Variants in KMT2D observed in about 807,000 individuals in gnomAD.
KMT2D encodes the protein lysine methyltransferase 2D.
A neutral mutation model predicts 512.7 loss-of-function variants in KMT2D; 55 were observed. The observed-to-expected ratio is 0.11, with a 90% CI of 0.09 to 0.13. The LOEUF (loss-of-function observed/expected upper bound fraction) is 0.13, where lower values mean the gene tolerates loss of function less well. Ranked by LOEUF, KMT2D falls within the 10% of genes least tolerant of loss-of-function variation. KMT2D has a pLI of 1.00. For synonymous variants in KMT2D, 2,995 were observed against 2,904.0 expected (o/e 1.03, Z -1.01); for missense variants, 6,061 against 7,127.9 (o/e 0.85, Z 5.39).
rs1191062212 is a variant in KMT2D at position 49,042,047 on chromosome 12, C to G, written c.6109+42G>C. ...CTTGGCAGGCGACTCCTCCACCTGC[C>G]ATGTTGCCAGGCTGTCTCCCTTGCC... is the stretch of plus-strand genomic sequence containing the variant. On this transcript the variant is annotated intron_variant, in intron 29 of 54. Transcript: ENST00000301067. This position sits in a 1 kb window ranked among gnomAD's most constrained non-coding sequence, Gnocchi z 4.4. The G allele has an allele frequency of 6.2e-7, 1 of 1,612,240 alleles. No individual in the cohort carries two copies. Among genetic ancestry groups the G allele is most frequent in the Admixed American group, 1.7e-5 (1 of 59,948 alleles).
Position 49,038,311 on chromosome 12 carries a change from A to G in KMT2D, c.9045T>C (p.Gly3015=). ...CATCATCACCCTTGGCCACATCCAC[A>G]CCCAGACCCAGGTGAGCAAGCTCTT... ...DDEELAHLGL[G]VDVAKGDDEL... is the part of the protein sequence containing the mutation. Residue 3015 remains glycine, a synonymous_variant, in exon 35 of 55, where the codon GGT becomes GGC. Coordinates refer to ENST00000301067, the MANE Select transcript of KMT2D (RefSeq NM_003482.4). The surrounding 1 kb of genome is among the most constrained non-coding windows in gnomAD (Gnocchi z 5.7). The G allele has an allele frequency of 6.2e-7, 1 of 1,613,730 alleles. No individual in the cohort carries two copies. The highest frequency in any genetic ancestry group is 8.5e-7 in the Non-Finnish European group (1 of 1,179,840).
At position 49,037,855 on chromosome 12, in the gene KMT2D, C is replaced by T. The variant is rs1943298668; in HGVS notation, c.9501G>A (p.Arg3167=). Residue 3167 remains arginine, a synonymous_variant, in exon 35 of 55, where the codon CGG becomes CGA. Transcript: ENST00000301067. ...GQSMMGSRDT[R]MGTGPFSSSG... is the part of the protein sequence containing the mutation. ...TGCTAGAAAATGGCCCTGTGCCCATCCGGGTATCCCGGCTGCCCATCATGC... is the reference window on the plus strand; with the variant it reads ...TGCTAGAAAATGGCCCTGTGCCCATTCGGGTATCCCGGCTGCCCATCATGC... 7.5e-6 allele frequency: 12 copies of T among 1,595,730 alleles called. No homozygotes were observed. The highest frequency in any genetic ancestry group is 1.3e-5 in the African/African-American group (1 of 74,618).
At position 49,044,265 on chromosome 12, in the gene KMT2D, G is replaced by A. The variant is rs1943681299; in HGVS notation, c.5123C>T (p.Thr1708Ile). 6.2e-7 allele frequency: 1 copy of A among 1,613,352 alleles called. No individual in the cohort carries two copies. Among genetic ancestry groups the A allele is most frequent in the Non-Finnish European group, 8.5e-7 (1 of 1,179,890 alleles). Residue 1708 changes from threonine to isoleucine, a missense_variant, in exon 22 of 55, where the codon ACA becomes ATA. Physicochemically the swap from Thr to Ile is moderately conservative, Grantham distance 89. Coordinates refer to ENST00000301067, the MANE Select transcript of KMT2D (RefSeq NM_003482.4). This position sits in a 1 kb window ranked among gnomAD's most constrained non-coding sequence, Gnocchi z 6.4. ...GFMVRQRKSH[T>I]RTKKGPAAQA... ...TGCAGCAGGCCCCTTTTTCGTGCGT[G>A]TGTGGGATTTCCGCTGTCGCACCAT...
intron 14 of KMT2D, 28 bp downstream of exon 14, chr12:49,048,631 C>T (rs1357932390): frequency 7.1e-7 from 1 of 1,413,786 alleles, no homozygotes; most frequent in Non-Finnish European, 1.0e-6. Flanking sequence ...ACACAATGTT[C>T]AGTGTGCCAG....
Position 49,019,796 on chromosome 12 carries a change from T to TAA in KMT2D, c.*1983_*1984insTT. The TAA allele has an allele frequency of 4.3e-6, 1 of 231,430 alleles. No individual in the cohort carries two copies. The highest frequency in any genetic ancestry group is 6.1e-5 in the East Asian group (1 of 16,410). The allele number at this position is 231,430 out of a possible 1,614,324, so 14.3% of individuals were successfully genotyped here. ...GCTTGAAACAGTTGAGGAAGCAGCT[T>TAA]TAAAAAAAAAAAATCTCCCTACCCC... On this transcript the variant is annotated 3_prime_UTR_variant, in exon 55 of 55. Transcript: ENST00000301067.
At chr12:49,036,807 C>CT (rs796643384) in intron 35 of KMT2D, among the ~76,000 whole-genome samples, 4 of 151,984 alleles carry the variant, frequency 2.6e-5, no homozygotes, top group African/African-American at 9.6e-5. Context: ...GCCTCAACTG[C>CT]TTTTTTTTGC....
chr12:49,055,145 G>A, intron 2 of KMT2D, 119 bp from the exon 3 acceptor site: 1 of 1,549,028 alleles, frequency 6.5e-7, no homozygotes, highest in Non-Finnish European at 8.9e-7. Context: ...TATTTCAACT[G>A]TTGTCCCAAA....
Position 49,031,646 on chromosome 12 carries a change from C to A in KMT2D, c.13059G>T (p.Pro4353=). ...CAGCAGGTGAGACCCTCCCAGGAGG[C>A]GGCTCCAAGGTTGGCCCCTGAGGTT... ...TPKPQGPTLE[P]PPGRVSPAAA... The change falls in exon 40 of 55, where the codon CCG becomes CCT. Residue 4353 remains proline (P), a synonymous_variant. Coordinates refer to ENST00000301067, the MANE Select transcript of KMT2D (RefSeq NM_003482.4). 1 of 1,605,468 alleles carries A rather than the reference C, an allele frequency of 6.2e-7. No individual in the cohort carries two copies. Among genetic ancestry groups the A allele is most frequent in the Non-Finnish European group, 8.5e-7 (1 of 1,176,154 alleles).
rs199711684 is a variant in KMT2D at position 49,044,697 on chromosome 12, G to A, written c.4963+47C>T. 1.7e-4 allele frequency: 265 copies of A among 1,584,312 alleles called. 3 individuals are homozygous for A. The East Asian group carries it at 5.9e-3, about 36-fold the overall frequency. On this transcript the variant is annotated intron_variant, in intron 20 of 54. Coordinates refer to ENST00000301067, the MANE Select transcript of KMT2D (RefSeq NM_003482.4). This position sits in a 1 kb window ranked among gnomAD's most constrained non-coding sequence, Gnocchi z 6.4. ...CCCCACCCAACATCCCACTCCCAGA[G>A]TCACGCTCCCCCTACTCTGCCGCTC...
chr12:49,018,992 T>C lies in KMT2D; in HGVS notation c.*2788A>G. ...GGAGCCGCTTGTATTTAAAATGTTC[T>C]TTTTTTATTTGTCGTTTAAAAACAA... On this transcript the variant is annotated 3_prime_UTR_variant, in exon 55 of 55. Coordinates refer to ENST00000301067, the MANE Select transcript of KMT2D (RefSeq NM_003482.4). 7.1e-7 allele frequency: 1 copy of C among 1,402,924 alleles called. No individual in the cohort carries two copies. The allele number at this position is 1,402,924 out of a possible 1,614,324, so 86.9% of individuals were successfully genotyped here.
intron 1 of KMT2D, among the ~76,000 whole-genome samples, chr12:49,058,773 GGGACTCATGGGCAGCCAGCTCTC>G: frequency 6.6e-6 from 1 of 152,324 alleles, no homozygotes; most frequent in East Asian, 1.9e-4. Context: ...GGACTGGCCA[GGGACTCATGGGCAGCCAGCTCTC>G]CATACCAGGC....
chr12:49,050,630 T>C lies in KMT2D; in HGVS notation c.2958A>G (p.Pro986=), dbSNP rs776395066. The change falls in exon 12 of 55, where the codon CCA becomes CCG. Residue 986 remains proline (P), a synonymous_variant. Transcript: ENST00000301067. ...PILETPISPP[P]EANCTDPEPV... ...GCTCAGGGTCAGTGCAGTTAGCTTC[T>C]GGTGGAGGGCTGATGGGTGTCTCCA... 6 of 1,612,064 alleles carry C rather than the reference T, an allele frequency of 3.7e-6. No homozygotes were observed. The highest frequency in any genetic ancestry group is 3.4e-6 in the Non-Finnish European group (4 of 1,178,916).
chr12:49,029,083 G>A lies in KMT2D; in HGVS notation c.14229C>T (p.Leu4743=), dbSNP rs899941032. Residue 4743 remains leucine (L), a synonymous_variant, in exon 45 of 55, where the codon CTC becomes CTT. Transcript: ENST00000301067. The part of the protein sequence containing the change: ...EDRALSPVIP[L]IPRASIPVFP... ...TACCTGGGATGCTGGCCCGAGGAAT[G>A]AGGGGGATGACAGGGGAGAGGGCCC... is the stretch of plus-strand genomic sequence containing the variant. The A allele has an allele frequency of 3.7e-6, 6 of 1,605,376 alleles. No individual in the cohort carries two copies. The African/African-American group carries it at 8.0e-5, about 21-fold the overall frequency.
In KMT2D at chr12:49,032,227, G is replaced by A; in HGVS notation, c.12478C>T (p.Leu4160=). Residue 4160 remains leucine, a synonymous_variant, in exon 40 of 55, where the codon CTA becomes TTA. Coordinates refer to ENST00000301067, the MANE Select transcript of KMT2D (RefSeq NM_003482.4). ...QNLLGPQQPM[L]ERPMQNNTGP... ...GTATTATTTTGCATGGGCCGCTCTA[G>A]CATGGGCTGTTGGGGGCCCAGAAGG... The A allele has an allele frequency of 6.2e-7, 1 of 1,613,778 alleles. No individual in the cohort carries two copies. The highest frequency in any genetic ancestry group is 8.5e-7 in the Non-Finnish European group (1 of 1,179,760).
chr12:49,032,586 C>T lies in KMT2D; in HGVS notation c.12119G>A (p.Gly4040Glu). The T allele has an allele frequency of 6.2e-7, 1 of 1,613,824 alleles. No homozygotes were observed. The highest frequency in any genetic ancestry group is 8.5e-7 in the Non-Finnish European group (1 of 1,179,814). ...CGGCCCTCCCTGATGTGTAGAGGGCCCCTCAGTGGCCTCTGAAGAAACGGC... is the reference window on the plus strand; with the variant it reads ...CGGCCCTCCCTGATGTGTAGAGGGCTCCTCAGTGGCCTCTGAAGAAACGGC... ...DPAVSSEATE[G>E]PSTHQGGPLA... The change falls in exon 40 of 55, where the codon GGG becomes GAG. Residue 4040 changes from glycine to glutamate, a missense_variant. This residue lies in a region of KMT2D where 1,600 missense variants were observed against 1,754.9 expected (regional missense o/e 0.91). Coordinates refer to ENST00000301067, the MANE Select transcript of KMT2D (RefSeq NM_003482.4).
rs1943021914 is a variant in KMT2D, at chr12:49,032,972, T to C, written c.11733A>G (p.Gln3911=). 1 of 1,549,968 alleles carries C rather than the reference T, an allele frequency of 6.5e-7. No homozygotes were observed. The highest frequency in any genetic ancestry group is 8.7e-7 in the Non-Finnish European group (1 of 1,146,764). The change falls in exon 40 of 55, where the codon CAA becomes CAG. Residue 3911 remains glutamine, a synonymous_variant. Transcript: ENST00000301067. ...QQQQQLQQQQ[Q]LQQQQQQQLQ... ...GCTGCTGCTGCTGCTGCTGCTGAAGTTGCTGTTGCTGTTGCAGCTGCTGCT... is the reference window on the plus strand; with the variant it reads ...GCTGCTGCTGCTGCTGCTGCTGAAGCTGCTGTTGCTGTTGCAGCTGCTGCT...
chr12:49,041,329 C>T lies in KMT2D; in HGVS notation c.6441G>A (p.Ala2147=), dbSNP rs763357891. The T allele has an allele frequency of 3.2e-5, 50 of 1,541,602 alleles. No homozygotes were observed. Among genetic ancestry groups the T allele is most frequent in the Middle Eastern group, 1.7e-4 (1 of 5,758 alleles). ...TSADGFLKPP[A]GSVPGPDSPG... is the part of the protein sequence containing the mutation. ...GCGAGTCAGGGCCAGGCACCGAGCC[C>T]GCCGGCGGCTTCAGGAACCCGTCCG... The change falls in exon 32 of 55, where the codon GCG becomes GCA. Residue 2147 remains alanine, a synonymous_variant. Coordinates refer to ENST00000301067, the MANE Select transcript of KMT2D (RefSeq NM_003482.4). The surrounding 1 kb of genome is among the most constrained non-coding windows in gnomAD (Gnocchi z 5.4).
Position 49,051,594 on chromosome 12 carries a change from G to A in KMT2D, c.2089C>T (p.Pro697Ser), listed in dbSNP as rs755350858. Residue 697 changes from proline (P) to serine (S), a missense_variant, in exon 11 of 55, where the codon CCC becomes TCC. By Grantham distance (74) the Pro-to-Ser change is moderately conservative. Transcript: ENST00000301067. ...SRLSPPPEDS[P>S]TSPPPEDSPA... ...GAGTCCTCAGGTGGTGGGGATGTGG[G>A]GGAGTCCTCAGGTGGTGGGGAGAGG... The A allele has an allele frequency of 8.2e-6, 13 of 1,594,554 alleles. No individual in the cohort carries two copies. Among genetic ancestry groups the A allele is most frequent in the Non-Finnish European group, 1.1e-5 (13 of 1,168,348 alleles).
Position 49,051,698 on chromosome 12 carries a change from A to G in KMT2D, c.1985T>C (p.Leu662Pro), listed in dbSNP as rs2120674922. ...GGGAGATTCCTCAGGCGGTGGAGAC[A>G]GGCGTGACACCACAGGCAGGGGGGA... ...RLSPLPVVSRLSPPPEESPLS... is the reference protein window; with the variant it reads ...RLSPLPVVSRPSPPPEESPLS... The change falls in exon 11 of 55, where the codon CTG (leucine) becomes CCG (proline). Residue 662 changes from leucine to proline, a missense_variant. Leu to Pro is a moderately conservative substitution (Grantham distance 98, BLOSUM62 -3). Coordinates refer to ENST00000301067, the MANE Select transcript of KMT2D (RefSeq NM_003482.4). The G allele has an allele frequency of 2.0e-6, 3 of 1,480,072 alleles. No homozygotes were observed. Among genetic ancestry groups the G allele is most frequent in the Non-Finnish European group, 2.7e-6 (3 of 1,102,872 alleles). The allele number at this position is 1,480,072 out of a possible 1,614,324, so 91.7% of individuals were successfully genotyped here.
Sources: allele counts gnomAD v4.1 joint callset (sites outside exome capture counted in the v4.1 genomes callset), GRCh38; gene constraint gnomAD v4.1.1; regional missense constraint gnomAD v4.1.1; non-coding constraint Gnocchi (gnomAD v3.1); transcripts MANE v1.5; gene names NCBI Gene and HGNC (gene_info 2026-07-23, HGNC 2026-07-21).